Variants in MCOLN2 observed in about 807,000 individuals in gnomAD.
MCOLN2 encodes the protein mucolipin TRP cation channel 2, also known as mucolipin-2.
Under a neutral mutation model 67.5 loss-of-function variants are expected in MCOLN2, and 57 were observed. The observed-to-expected ratio is 0.84, with a 90% CI of 0.68 to 1.05. MCOLN2 has a LOEUF of 1.05. Ranked by LOEUF, MCOLN2 falls within the 50% of genes least tolerant of loss-of-function variation. The pLI, the probability that MCOLN2 is intolerant of heterozygous loss-of-function variation, is 0.00. For synonymous variants in MCOLN2, 246 were observed against 233.3 expected (o/e 1.05, Z -0.50); for missense variants, 620 against 678.8 (o/e 0.91, Z 0.96).
At chr1:84,951,646 A>T (rs1173166888) in intron 6 of MCOLN2, among the ~76,000 whole-genome samples, 1 of 152,258 alleles carries the variant, frequency 6.6e-6, no homozygotes, top group African/African-American at 2.4e-5. Flanking sequence ...TAAACATTTT[A>T]AAAAATGTAT....
At position 84,940,964 on chromosome 1, in the gene MCOLN2, A is replaced by C. The variant is rs1647744001; in HGVS notation, c.875T>G (p.Val292Gly). 4 of 1,612,960 alleles carry C rather than the reference A, an allele frequency of 2.5e-6. No individual in the cohort carries two copies. Among genetic ancestry groups the C allele is most frequent in the Non-Finnish European group, 3.4e-6 (4 of 1,179,224 alleles). The change falls in exon 8 of 14, where the codon GTG (valine) becomes GGG (glycine). Residue 292 changes from valine (V) to glycine (G), a missense_variant. Transcript: ENST00000370608. Reference protein sequence around the residue: ...STQKNAQYVLVFDAFVIVICL... With the variant: ...STQKNAQYVLGFDAFVIVICL... ...AATCACAATGACAAATGCATCAAAC[A>C]CCAGGACATACTGAGCATTTTTCTG...
Position 84,931,467 on chromosome 1 carries a change from C to T in MCOLN2, c.1437G>A (p.Val479=). The change falls in exon 12 of 14, where the codon GTG becomes GTA. Residue 479 remains valine, a synonymous_variant. Coordinates refer to ENST00000370608, the MANE Select transcript of MCOLN2 (RefSeq NM_153259.4). Reference sequence around the variant, plus strand: ...ATAAATACAGACGACTGAACAGCCACACCAAGATGCTCTTCTGCTGGATTT... The same window carrying T: ...ATAAATACAGACGACTGAACAGCCATACCAAGATGCTCTTCTGCTGGATTT... ...FAQIQQKSIL[V]WLFSRLYLYS... is the part of the protein sequence containing the mutation. 2 of 1,613,606 alleles carry T rather than the reference C, an allele frequency of 1.2e-6. No homozygotes were observed. The highest frequency in any genetic ancestry group is 1.7e-6 in the Non-Finnish European group (2 of 1,179,606).
At chr1:84,944,458 A>C (rs552015246) in intron 7 of MCOLN2, among the ~76,000 whole-genome samples, 47 of 151,196 alleles carry the variant, frequency 3.1e-4, no homozygotes, top group Middle Eastern at 3.4e-3. Flanking sequence ...GCTTGAACCC[A>C]GGAGGTGGAG....
At chr1:84,982,824 T>A (rs1459347594) in intron 1 of MCOLN2, among the ~76,000 whole-genome samples, 1 of 152,178 alleles carries the variant, frequency 6.6e-6, no homozygotes, top group African/African-American at 2.4e-5. Context: ...TGCCTCAGCC[T>A]CCAGAGTAGC....
At chr1:84,943,820 G>C (rs576745396) in intron 7 of MCOLN2, among the ~76,000 whole-genome samples, 1 of 152,190 alleles carries the variant, frequency 6.6e-6, no homozygotes, top group African/African-American at 2.4e-5. Flanking sequence ...TGTGTGAAGT[G>C]CTTGTTACAG....
At chr1:84,961,547 A>C (rs1649088730) in intron 2 of MCOLN2, among the ~76,000 whole-genome samples, 1 of 152,140 alleles carries the variant, frequency 6.6e-6, no homozygotes, top group Non-Finnish European at 1.5e-5. Context: ...GCCAAGATAA[A>C]AATGTATGGC....
At chr1:84,975,219 G>A (rs1307436160) in intron 1 of MCOLN2, among the ~76,000 whole-genome samples, 1 of 152,164 alleles carries the variant, frequency 6.6e-6, no homozygotes, top group Non-Finnish European at 1.5e-5. Context: ...AGTAGTTACA[G>A]CCGGCCTTGG....
chr1:84,987,347 G>A (rs1283208200), intron 1 of MCOLN2, among the ~76,000 whole-genome samples: 1 of 131,184 alleles, frequency 7.6e-6, no homozygotes, highest in Non-Finnish European at 1.6e-5. Flanking sequence ...TATGTATATA[G>A]ATATATGTAG....
rs1661123046 is a variant in MCOLN2, at chr1:84,925,645, A to G, written c.*1040T>C. 6.6e-6 allele frequency: 1 copy of G among 152,336 alleles called. No homozygotes were observed. Among genetic ancestry groups the G allele is most frequent in the East Asian group, 1.9e-4 (1 of 5,186 alleles). The allele number at this position is 152,336 out of a possible 1,614,324, so 9.4% of individuals were successfully genotyped here. On this transcript the variant is annotated 3_prime_UTR_variant, in exon 14 of 14. Transcript: ENST00000370608. ...TCATATTTCTTTTCTAGACAAAGGT[A>G]AATACCCAACCCAGCAGAGTTCAAT...
intron 6 of MCOLN2, among the ~76,000 whole-genome samples, chr1:84,951,770 T>C (rs1198427086): frequency 6.6e-6 from 1 of 152,214 alleles, no homozygotes; most frequent in Non-Finnish European, 1.5e-5. Context: ...GGTCTCTGGA[T>C]CAACAATAAT....
chr1:84,953,453 G>A (rs1232419729), intron 4 of MCOLN2, among the ~76,000 whole-genome samples: 1 of 151,882 alleles, frequency 6.6e-6, no homozygotes, highest in Non-Finnish European at 1.5e-5. Context: ...AGGAAGCTGA[G>A]GCAGGAGAAT....
At chr1:84,973,393 G>A (rs780667978) in intron 1 of MCOLN2, among the ~76,000 whole-genome samples, 8 of 152,094 alleles carry the variant, frequency 5.3e-5, no homozygotes, top group Non-Finnish European at 8.8e-5. Flanking sequence ...TAGTAGATTC[G>A]CTTAAGCATA....
At chr1:84,979,284 T>C (rs1650138775) in intron 1 of MCOLN2, among the ~76,000 whole-genome samples, 1 of 152,190 alleles carries the variant, frequency 6.6e-6, no homozygotes, top group African/African-American at 2.4e-5. Flanking sequence ...ACTCAAACTT[T>C]TCTGAAAAAT....
chr1:84,987,439 GATATATAC>G (rs1361489534), intron 1 of MCOLN2, among the ~76,000 whole-genome samples: 2 of 97,644 alleles, frequency 2.0e-5, no homozygotes, highest in East Asian at 2.9e-4. Context: ...TACGTATATA[GATATATAC>G]ATATATACAT....
chr1:84,992,748 T>C (rs1427270986), intron 1 of MCOLN2, among the ~76,000 whole-genome samples: 1 of 26,176 alleles, frequency 3.8e-5, no homozygotes, highest in African/African-American at 6.2e-5. Context: ...AATAGCATTA[T>C]GTCTAAAAAA....
intron 11 of MCOLN2, among the ~76,000 whole-genome samples, chr1:84,935,770 G>A (rs1265584859): frequency 6.6e-6 from 1 of 152,148 alleles, no homozygotes; most frequent in Non-Finnish European, 1.5e-5. Flanking sequence ...GAGCATCCCA[G>A]TTTCACCTGG....
At position 84,958,577 on chromosome 1, in the gene MCOLN2, T is replaced by C. The variant is rs760394341; in HGVS notation, c.363A>G (p.Val121=). 3.0e-5 allele frequency: 48 copies of C among 1,609,312 alleles called. No homozygotes were observed. Among genetic ancestry groups the C allele is most frequent in the South Asian group, 1.1e-5 (1 of 89,626 alleles). The change falls in exon 3 of 14, where the codon GTA becomes GTG. Residue 121 remains valine, a synonymous_variant. Transcript: ENST00000370608. ...TCTCATAGGCATCCTCTTGAGTATA[T>C]ACACTGCAGCTGTAGTCATCTTCAT... The part of the protein sequence containing the change: ...GTDEDDYSCS[V]YTQEDAYESI...
rs568505538 is a variant in MCOLN2, at chr1:84,926,503, C to A, written c.*182G>T. On this transcript the variant is annotated 3_prime_UTR_variant, in exon 14 of 14. Transcript: ENST00000370608. Reference sequence around the variant, plus strand: ...AGCCCATGGTCTATTCTTTATCATTCAAGTTTATAAAAAGTAAAGCTGGAA... The same window carrying A: ...AGCCCATGGTCTATTCTTTATCATTAAAGTTTATAAAAAGTAAAGCTGGAA... 1.6e-5 allele frequency: 7 copies of A among 447,730 alleles called. No homozygotes were observed. The Admixed American group carries it at 2.8e-4, about 18-fold the overall frequency. 27.7% of individuals were successfully genotyped at this position (447,730 alleles called of 1,614,324 possible). A position where few individuals can be genotyped will look rare whatever the true frequency, so the allele number is the denominator to read the frequency against.
chr1:84,977,750 A>G (rs1650063912), intron 1 of MCOLN2, among the ~76,000 whole-genome samples: 1 of 152,230 alleles, frequency 6.6e-6, no homozygotes, highest in South Asian at 2.1e-4. Flanking sequence ...AGCAAATATT[A>G]TTAGAGCTAA....
Sources: gnomAD v4.1 joint callset for allele counts (sites outside exome capture counted in the v4.1 genomes callset) on GRCh38, gnomAD v4.1.1 for gene constraint, MANE v1.5 for transcripts, NCBI Gene and HGNC (gene_info 2026-07-23, HGNC 2026-07-21) for gene names.